The following RAB40C variants were observed in gnomAD, a reference collection of about 807,000 sequenced individuals.
The protein encoded by RAB40C is RAB40C, member RAS oncogene family.
In RAB40C, 8 loss-of-function variants were observed where a neutral mutation model predicts 28.1. The observed-to-expected ratio is 0.28, with a 90% CI of 0.17 to 0.51. The LOEUF (loss-of-function observed/expected upper bound fraction) is 0.51. Among genes scored for constraint, RAB40C ranks in the 20% least tolerant of loss-of-function variants. The pLI is 0.97. For missense variants in RAB40C, 288 were observed against 405.9 expected, an observed-to-expected ratio of 0.71 and a Z score of 2.50; for synonymous variants, 201 against 171.7, an observed-to-expected ratio of 1.17 and a Z score of -1.34.
intron 3 of RAB40C, among the ~76,000 whole-genome samples, chr16:619,463 T>C (rs1160210049): frequency 6.6e-6 from 1 of 152,222 alleles, no homozygotes; most frequent in African/African-American, 2.4e-5. Flanking sequence ...GCTTTTGTGC[T>C]GACTGGATCT....
intron 3 of RAB40C, among the ~76,000 whole-genome samples, chr16:623,542 T>G (rs1477878355): frequency 1.3e-5 from 2 of 151,000 alleles, no homozygotes; most frequent in East Asian, 2.0e-4. Flanking sequence ...TAGTCCCAGC[T>G]ACTCAGGAGA....
In RAB40C at chr16:610,879, C is replaced by A. The variant is rs1005318993; in HGVS notation, c.143-6329C>A. ...CTTTTCCAGAGTGACATCCTGGGGC[C>A]CTGTGTGGTCAGAGGGCTCCATGTG... is the stretch of plus-strand genomic sequence containing the variant. On this transcript the variant is annotated intron_variant, in intron 1 of 5. Transcript: ENST00000248139. The surrounding 1 kb of genome is among the most constrained non-coding windows in gnomAD (Gnocchi z 4.6). Among the ~76,000 whole-genome samples, 3 of 152,174 alleles carry A rather than the reference C, an allele frequency of 2.0e-5. No homozygotes were observed. Among genetic ancestry groups the A allele is most frequent in the African/African-American group, 7.2e-5 (3 of 41,450 alleles).
At chr16:592,869 C>T (rs1048184901) in intron 1 of RAB40C, among the ~76,000 whole-genome samples, 4 of 152,246 alleles carry the variant, frequency 2.6e-5, no homozygotes, top group Non-Finnish European at 5.9e-5. Flanking sequence ...TCCCCTTCGT[C>T]GGGCTGTGGG....
intron 1 of RAB40C, among the ~76,000 whole-genome samples, chr16:604,552 T>C (rs1049266780): frequency 1.3e-5 from 2 of 150,952 alleles, no homozygotes; most frequent in African/African-American, 2.4e-5. Context: ...CTCTAGAATA[T>C]ATGTGAGTCT....
At chr16:622,426 AACTG>A (rs1181368339) in intron 3 of RAB40C, among the ~76,000 whole-genome samples, 2 of 152,212 alleles carry the variant, frequency 1.3e-5, no homozygotes, top group Non-Finnish European at 2.9e-5. Flanking sequence ...ACGCTGAGGA[AACTG>A]ACTGTCAGGG....
At chr16:609,702 T>C (rs936516650) in intron 1 of RAB40C, among the ~76,000 whole-genome samples, 3 of 152,014 alleles carry the variant, frequency 2.0e-5, no homozygotes, top group African/African-American at 7.3e-5. Flanking sequence ...TTTTAGAAAT[T>C]ATAAATAAGC....
In RAB40C at chr16:610,502, T is replaced by C. The variant is rs2036461187; in HGVS notation, c.143-6706T>C. Among the ~76,000 whole-genome samples the C allele has an allele frequency of 6.6e-6, 1 of 152,144 alleles. No individual in the cohort carries two copies. Among genetic ancestry groups the C allele is most frequent in the Admixed American group, 6.5e-5 (1 of 15,272 alleles). On this transcript the variant is annotated intron_variant, in intron 1 of 5. Transcript: ENST00000248139. This position sits in a 1 kb window ranked among gnomAD's most constrained non-coding sequence, Gnocchi z 4.6. ...TGACCTTCACTGGCGCCCTTGCCTT[T>C]TCACTGAGCCGGGTATTAGCTTAGC...
chr16:624,461 C>G (rs1415194775), intron 3 of RAB40C: 6 of 985,386 alleles, frequency 6.1e-6, no homozygotes, highest in Non-Finnish European at 7.2e-6. Context: ...CCATCCTGAG[C>G]AAGGCCTTCG....
intron 1 of RAB40C, among the ~76,000 whole-genome samples, chr16:615,899 T>C (rs2036575285): frequency 6.6e-6 from 1 of 150,938 alleles, no homozygotes; most frequent in Admixed American, 6.6e-5. Flanking sequence ...GAGGTGGAGG[T>C]TGTAGTGACC....
chr16:621,233 C>G lies in RAB40C; in HGVS notation c.264+2973C>G, dbSNP rs140064450. 3.3e-5 allele frequency among the ~76,000 whole-genome samples: 5 copies of G among 152,360 alleles called. No homozygotes were observed. The East Asian group carries it at 9.6e-4, about 29-fold the overall frequency. Reference sequence around the variant, plus strand: ...CGCCGTGACTGAGCATTTGGGCCACCCCGGGAGCCCAGCCCTGTCCTGTGT... The same window carrying G: ...CGCCGTGACTGAGCATTTGGGCCACGCCGGGAGCCCAGCCCTGTCCTGTGT... On this transcript the variant is annotated intron_variant, in intron 3 of 5. Coordinates refer to ENST00000248139, the MANE Select transcript of RAB40C (RefSeq NM_021168.5).
chr16:626,179 C>T, intron 5 of RAB40C, 58 bp downstream of exon 5: 4 of 1,516,152 alleles, frequency 2.6e-6, no homozygotes, highest in East Asian at 4.5e-5. Flanking sequence ...GCCCTGATCA[C>T]ATGGAGGCTG....
intron 1 of RAB40C, among the ~76,000 whole-genome samples, chr16:605,337 C>T (rs1462275743): frequency 2.0e-5 from 3 of 152,178 alleles, no homozygotes; most frequent in South Asian, 2.1e-4. Context: ...GTCAGCTTTC[C>T]GTCTTTTAAT....
intron 3 of RAB40C, among the ~76,000 whole-genome samples, chr16:621,413 G>A (rs530796385): frequency 6.6e-6 from 1 of 152,098 alleles, no homozygotes; most frequent in South Asian, 2.1e-4. Context: ...GCCTCCCTCC[G>A]TTAGAGAGTG....
chr16:593,028 G>C (rs965633790), intron 1 of RAB40C, among the ~76,000 whole-genome samples: 1 of 152,244 alleles, frequency 6.6e-6, no homozygotes, highest in Admixed American at 6.5e-5. Context: ...AAGACACCAC[G>C]TGCTCTCAGG....
chr16:618,190 T>C lies in RAB40C; in HGVS notation c.204-10T>C, dbSNP rs748696693. ...ACAGTCCCGGCCCCTCCCCTCCCCG[T>C]ATGTTTCAGGGACACGTCGGGCCAG... On this transcript the variant is annotated splice_polypyrimidine_tract_variant and intron_variant, in intron 2 of 5. Coordinates refer to ENST00000248139, the MANE Select transcript of RAB40C (RefSeq NM_021168.5). 7 of 1,611,248 alleles carry C rather than the reference T, an allele frequency of 4.3e-6. No individual in the cohort carries two copies. Among genetic ancestry groups the C allele is most frequent in the Non-Finnish European group, 5.9e-6 (7 of 1,179,190 alleles).
At chr16:602,333 C>A (rs2036270641) in intron 1 of RAB40C, among the ~76,000 whole-genome samples, 1 of 150,846 alleles carries the variant, frequency 6.6e-6, no homozygotes, top group Non-Finnish European at 1.5e-5. Context: ...TAGTTCACTG[C>A]AGCCTCAAAT....
chr16:591,843 C>G (rs919642177), intron 1 of RAB40C, among the ~76,000 whole-genome samples: 1 of 152,218 alleles, frequency 6.6e-6, no homozygotes, highest in Non-Finnish European at 1.5e-5. Context: ...GATCTGCCCA[C>G]CTCGGCCTCC....
chr16:599,676 G>T (rs2036209497), intron 1 of RAB40C, among the ~76,000 whole-genome samples: 1 of 143,480 alleles, frequency 7.0e-6, no homozygotes, highest in Non-Finnish European at 1.5e-5. Context: ...TTCCCTTGTG[G>T]CATCAGTCAG....
chr16:593,307 C>T (rs1174942508), intron 1 of RAB40C, among the ~76,000 whole-genome samples: 1 of 152,244 alleles, frequency 6.6e-6, no homozygotes, highest in Non-Finnish European at 1.5e-5. Context: ...TCTCAGGACT[C>T]AGCATCTTGA....
Sources: allele counts gnomAD v4.1 joint callset (sites outside exome capture counted in the v4.1 genomes callset), GRCh38; gene constraint gnomAD v4.1.1; non-coding constraint Gnocchi (gnomAD v3.1); transcripts MANE v1.5; gene names NCBI Gene and HGNC (gene_info 2026-07-23, HGNC 2026-07-21).